CA10: variants seen among roughly 807,000 people sequenced by gnomAD.
CA10 encodes the protein carbonic anhydrase-related protein 10.
In CA10, 14 loss-of-function variants were observed where a neutral mutation model predicts 44.2. That is an observed-to-expected ratio of 0.32 (90% CI 0.21 to 0.50). The LOEUF is 0.50. Among genes scored for constraint, CA10 ranks in the 20% least tolerant of loss-of-function variants. CA10 has a pLI of 0.99. For synonymous variants in CA10, 159 were observed against 141.6 expected (o/e 1.12, Z -0.87); for missense variants, 350 against 409.7 (o/e 0.85, Z 1.26).
intron 3 of CA10, among the ~76,000 whole-genome samples, chr17:51,827,607 A>G (rs548363144): frequency 3.9e-5 from 6 of 152,278 alleles, no homozygotes; most frequent in Non-Finnish European, 8.8e-5. Context: ...GTGTCTATAT[A>G]TTTATTTCAT....
In CA10 at chr17:51,747,754, A is replaced by G; in HGVS notation, c.344T>C (p.Val115Ala). The change falls in exon 4 of 9, where the codon GTC becomes GCC. Residue 115 changes from valine to alanine, a missense_variant. Coordinates refer to ENST00000451037, the MANE Select transcript of CA10 (RefSeq NM_020178.5). ...TGTCATGGGCCCTCCAGATATGTTG[A>G]CCAAGTGCTCCTTGTCCAGGCGAAG... ...VSLRLDKEHL[V>A]NISGGPMTYS... 6.2e-7 allele frequency: 1 copy of G among 1,614,158 alleles called. No homozygotes were observed. Among genetic ancestry groups the G allele is most frequent in the South Asian group, 1.1e-5 (1 of 91,082 alleles).
At chr17:51,689,765 CCTTT>C (rs1915125789) in intron 4 of CA10, among the ~76,000 whole-genome samples, 1 of 152,070 alleles carries the variant, frequency 6.6e-6, no homozygotes, top group Non-Finnish European at 1.5e-5. Flanking sequence ...TTTCTTCCTT[CCTTT>C]AGCATTTTAA....
chr17:52,069,679 G>A (rs183230318), intron 2 of CA10, among the ~76,000 whole-genome samples: 1 of 152,272 alleles, frequency 6.6e-6, no homozygotes, highest in East Asian at 1.9e-4. Context: ...TCAGCACAAG[G>A]TAGGTACTCC....
At chr17:51,957,858 C>T (rs1368687000) in intron 2 of CA10, among the ~76,000 whole-genome samples, 1 of 152,096 alleles carries the variant, frequency 6.6e-6, no homozygotes, top group African/African-American at 2.4e-5. Flanking sequence ...GTAATGCAAC[C>T]TTAAAGCTAA....
chr17:51,834,847 T>G (rs898200806), intron 3 of CA10, among the ~76,000 whole-genome samples: 6 of 152,194 alleles, frequency 3.9e-5, no homozygotes, highest in African/African-American at 1.4e-4. Flanking sequence ...CTAGAGGTAA[T>G]GGCAACCATC....
intron 1 of CA10, among the ~76,000 whole-genome samples, chr17:52,150,968 A>T (rs1394705118): frequency 6.6e-6 from 1 of 152,162 alleles, no homozygotes; most frequent in Non-Finnish European, 1.5e-5. Flanking sequence ...AATGTCCCAT[A>T]ATGGGCAAAT....
intron 2 of CA10, among the ~76,000 whole-genome samples, chr17:52,006,617 A>G (rs188104139): frequency 5.9e-5 from 9 of 151,940 alleles, no homozygotes; most frequent in African/African-American, 2.2e-4. Context: ...GCATCTCCAC[A>G]TAACACATAG....
At chr17:51,951,631 T>C (rs1337472867) in intron 2 of CA10, among the ~76,000 whole-genome samples, 1 of 152,194 alleles carries the variant, frequency 6.6e-6, no homozygotes, top group Non-Finnish European at 1.5e-5. Context: ...GGGTGATGGA[T>C]TCTTTATGAA....
At chr17:51,889,991 G>A (rs1211387407) in intron 3 of CA10, among the ~76,000 whole-genome samples, 1 of 152,128 alleles carries the variant, frequency 6.6e-6, no homozygotes, top group Non-Finnish European at 1.5e-5. Flanking sequence ...TGGCACCGAT[G>A]AACCCTTTAC....
At chr17:52,009,894 A>T (rs1985726108) in intron 2 of CA10, among the ~76,000 whole-genome samples, 1 of 152,052 alleles carries the variant, frequency 6.6e-6, no homozygotes. Context: ...AAAGAACTCA[A>T]ATCAGCAAGA....
At chr17:51,631,642 T>C (rs750394195) in intron 8 of CA10, 36 bp from the exon 9 acceptor site, 15 of 1,578,978 alleles carry the variant, frequency 9.5e-6, no homozygotes, top group Non-Finnish European at 9.6e-6. Context: ...AAATCACACA[T>C]ACAACATAAA....
intron 2 of CA10, among the ~76,000 whole-genome samples, chr17:51,995,985 G>A (rs1985221926): frequency 6.6e-6 from 1 of 152,022 alleles, no homozygotes; most frequent in Non-Finnish European, 1.5e-5. Context: ...TCAAAAGCCT[G>A]CCATCCATGC....
intron 4 of CA10, among the ~76,000 whole-genome samples, chr17:51,718,816 G>A (rs913034051): frequency 3.3e-5 from 5 of 152,154 alleles, no homozygotes; most frequent in Non-Finnish European, 5.9e-5. Flanking sequence ...TTGGTTGACC[G>A]TGGGAAGAAA....
intron 1 of CA10, among the ~76,000 whole-genome samples, chr17:52,082,503 G>T (rs985803220): frequency 5.3e-5 from 8 of 151,862 alleles, no homozygotes; most frequent in African/African-American, 1.9e-4. Context: ...CTTCCCTATT[G>T]GTTATCTAGT....
chr17:51,998,644 G>T (rs2144115860), intron 2 of CA10, among the ~76,000 whole-genome samples: 1 of 151,970 alleles, frequency 6.6e-6, no homozygotes, highest in East Asian at 1.9e-4. Flanking sequence ...ATATTTATTT[G>T]TCCTAATACC....
intron 3 of CA10, among the ~76,000 whole-genome samples, chr17:51,795,139 G>A (rs1389380084): frequency 6.6e-6 from 1 of 152,128 alleles, no homozygotes; most frequent in Non-Finnish European, 1.5e-5. Flanking sequence ...TAAAGTACCC[G>A]GCCCAGAGTC....
At chr17:52,036,587 T>C (rs767855484) in intron 2 of CA10, among the ~76,000 whole-genome samples, 3 of 152,070 alleles carry the variant, frequency 2.0e-5, no homozygotes, top group Non-Finnish European at 4.4e-5. Context: ...AGGGAACAGA[T>C]TGTGTAAGGC....
At chr17:52,000,328 A>G (rs566254129) in intron 2 of CA10, among the ~76,000 whole-genome samples, 19 of 152,204 alleles carry the variant, frequency 1.2e-4, no homozygotes, top group Non-Finnish European at 1.8e-4. Context: ...CAATAAATCC[A>G]CACATGAGTT....
At chr17:51,889,532 T>C (rs541592473) in intron 3 of CA10, among the ~76,000 whole-genome samples, 312 of 151,698 alleles carry the variant, frequency 2.1e-3, no homozygotes, top group Non-Finnish European at 3.2e-3. Context: ...AAAAATAAAA[T>C]AAAACCAAAC....
Sources: allele counts gnomAD v4.1 joint callset (sites outside exome capture counted in the v4.1 genomes callset), GRCh38; gene constraint gnomAD v4.1.1; transcripts MANE v1.5; gene names NCBI Gene and HGNC (gene_info 2026-07-23, HGNC 2026-07-21).